MARCHF11: variants seen among roughly 807,000 people sequenced by gnomAD.
MARCHF11 encodes the protein E3 ubiquitin-protein ligase MARCHF11.
MARCHF11 carries 29 observed loss-of-function variants against 37.3 expected under a neutral mutation model. The ratio of observed to expected loss-of-function variants is 0.78; its 90% CI spans 0.58 to 1.06. The LOEUF is 1.06. Among genes scored for constraint, MARCHF11 ranks in the 50% least tolerant of loss-of-function variants. The pLI is 0.00. For synonymous variants in MARCHF11, 233 were observed against 228.0 expected (o/e 1.02, Z -0.20); for missense variants, 482 against 533.4 (o/e 0.90, Z 0.95).
In MARCHF11 at chr5:16,104,392, G is replaced by A. The variant is rs367645406; in HGVS notation, c.694-13311C>T. 3.3e-5 allele frequency among the ~76,000 whole-genome samples: 5 copies of A among 152,190 alleles called. 1 individual carries two copies. Among genetic ancestry groups the A allele is most frequent in the East Asian group, 1.9e-4 (1 of 5,168 alleles). Reference sequence around the variant, plus strand: ...ATAAAATATTCTATAACTGTGTGGTGATAAAAGTTGAACAAGTCTATAAAT... The same window carrying A: ...ATAAAATATTCTATAACTGTGTGGTAATAAAAGTTGAACAAGTCTATAAAT... On this transcript the variant is annotated intron_variant, in intron 2 of 3. Coordinates refer to ENST00000332432, the MANE Select transcript of MARCHF11 (RefSeq NM_001102562.3).
At chr5:16,178,987 C>T in intron 1 of MARCHF11, 52 bp downstream of exon 1, 5 of 1,366,380 alleles carry the variant, frequency 3.7e-6, no homozygotes, top group South Asian at 1.7e-5. Flanking sequence ...AAAGCTTGAC[C>T]GGCGCGAGCT....
At chr5:16,137,167 C>T (rs968661538) in intron 2 of MARCHF11, among the ~76,000 whole-genome samples, 6 of 152,080 alleles carry the variant, frequency 3.9e-5, no homozygotes, top group Non-Finnish European at 5.9e-5. Context: ...GGTGAAAAAT[C>T]GGTATACTGA....
At chr5:16,082,933 C>T (rs536978051) in intron 3 of MARCHF11, among the ~76,000 whole-genome samples, 1 of 151,936 alleles carries the variant, frequency 6.6e-6, no homozygotes, top group African/African-American at 2.4e-5. Context: ...TTCTGCACCC[C>T]CACTCCATGG....
chr5:16,144,315 C>T (rs1737766611), intron 2 of MARCHF11, among the ~76,000 whole-genome samples: 1 of 152,114 alleles, frequency 6.6e-6, no homozygotes, highest in Admixed American at 6.5e-5. Context: ...ACTGTTAGTG[C>T]CCTTGAAAAT....
Position 16,067,581 on chromosome 5 carries a change from A to G in MARCHF11, c.1099T>C (p.Phe367Leu). 1 of 1,613,956 alleles carries G rather than the reference A, an allele frequency of 6.2e-7. No homozygotes were observed. Among genetic ancestry groups the G allele is most frequent in the Non-Finnish European group, 8.5e-7 (1 of 1,179,844 alleles). Residue 367 changes from phenylalanine (F) to leucine (L), a missense_variant, in exon 4 of 4, where the codon TTT becomes CTT. Phe to Leu is a conservative substitution (Grantham distance 22). Coordinates refer to ENST00000332432, the MANE Select transcript of MARCHF11 (RefSeq NM_001102562.3). Reference sequence around the variant, plus strand: ...TGCAATAACACATAGCCACACTGAAACCTTGGTGAGGTTAACTGAGTTGGG... The same window carrying G: ...TGCAATAACACATAGCCACACTGAAGCCTTGGTGAGGTTAACTGAGTTGGG... ...VHPTQLTSPRFQCGYVLLHLF... is the reference protein window; with the variant it reads ...VHPTQLTSPRLQCGYVLLHLF...
chr5:16,111,815 T>C (rs1003012144), intron 2 of MARCHF11, among the ~76,000 whole-genome samples: 1 of 152,164 alleles, frequency 6.6e-6, no homozygotes, highest in Non-Finnish European at 1.5e-5. Flanking sequence ...AATGGTTTCC[T>C]GGGCCAGGCC....
At chr5:16,167,967 G>A (rs1262889486) in intron 2 of MARCHF11, among the ~76,000 whole-genome samples, 2 of 152,002 alleles carry the variant, frequency 1.3e-5, no homozygotes, top group Non-Finnish European at 2.9e-5. Flanking sequence ...ATACTTTGAG[G>A]CTACCTGTAG....
At chr5:16,103,171 T>A (rs1736988027) in intron 2 of MARCHF11, among the ~76,000 whole-genome samples, 1 of 151,052 alleles carries the variant, frequency 6.6e-6, no homozygotes, top group African/African-American at 2.4e-5. Flanking sequence ...TGGTATGCAC[T>A]CATAGAGAAA....
chr5:16,102,857 A>C (rs1010645020), intron 2 of MARCHF11, among the ~76,000 whole-genome samples: 3 of 152,096 alleles, frequency 2.0e-5, no homozygotes, highest in Non-Finnish European at 4.4e-5. Flanking sequence ...TCCTGGAGCC[A>C]CTCACCTGCA....
intron 2 of MARCHF11, among the ~76,000 whole-genome samples, chr5:16,093,354 G>A (rs764533651): frequency 2.0e-5 from 3 of 152,112 alleles, no homozygotes; most frequent in Non-Finnish European, 4.4e-5. Flanking sequence ...ATTATATTTG[G>A]CTTCAATTAG....
In MARCHF11 at chr5:16,179,154, G is replaced by A. The variant is rs773168614; in HGVS notation, c.422C>T (p.Thr141Met). 22 of 1,451,080 alleles carry A rather than the reference G, an allele frequency of 1.5e-5. No individual in the cohort carries two copies. In the South Asian group the frequency reaches 2.6e-4, roughly 17 times the overall value. 89.9% of individuals were successfully genotyped at this position (1,451,080 alleles called of 1,614,324 possible). The change falls in exon 1 of 4, where the codon ACG (threonine) becomes ATG (methionine). Residue 141 changes from threonine to methionine, a missense_variant. Coordinates refer to ENST00000332432, the MANE Select transcript of MARCHF11 (RefSeq NM_001102562.3). ...ERRGAGDQPE[T>M]RSVCSSRSSS... ...GCTGCGGCTGCTGCACACCGAGCGC[G>A]TCTCGGGCTGGTCTCCGGCGCCCCG...
At position 16,075,066 on chromosome 5, in the gene MARCHF11, A is replaced by G. The variant is rs79216458; in HGVS notation, c.887-7273T>C. ...TCAGATGGAGTCTCATCTTTTACTA[A>G]TTGGCAGTGAATGAAGCACACCCTT... On this transcript the variant is annotated intron_variant, in intron 3 of 3. Coordinates refer to ENST00000332432, the MANE Select transcript of MARCHF11 (RefSeq NM_001102562.3). 8.7e-3 allele frequency among the ~76,000 whole-genome samples: 1,325 copies of G among 152,300 alleles called. 14 individuals carry two copies. The highest frequency in any genetic ancestry group is 0.03 in the African/African-American group (1,252 of 41,564).
At chr5:16,094,520 T>TG (rs1333067111) in intron 2 of MARCHF11, among the ~76,000 whole-genome samples, 1 of 151,720 alleles carries the variant, frequency 6.6e-6, no homozygotes, top group East Asian at 1.9e-4. Flanking sequence ...TGTGTGTACG[T>TG]GTGTGTGTGT....
intron 2 of MARCHF11, among the ~76,000 whole-genome samples, chr5:16,176,402 CA>C (rs765524844): frequency 6.6e-6 from 1 of 152,100 alleles, no homozygotes; most frequent in Non-Finnish European, 1.5e-5. Context: ...ATCTGTTTTT[CA>C]AGACAACTAT....
intron 2 of MARCHF11, among the ~76,000 whole-genome samples, chr5:16,105,779 T>A (rs1452036189): frequency 6.6e-6 from 1 of 150,862 alleles, no homozygotes; most frequent in Non-Finnish European, 1.5e-5. Flanking sequence ...TGGCTTCCTG[T>A]TTTTTTTTGT....
At chr5:16,176,290 G>A (rs1009318176) in intron 2 of MARCHF11, among the ~76,000 whole-genome samples, 7 of 152,102 alleles carry the variant, frequency 4.6e-5, no homozygotes, top group Non-Finnish European at 8.8e-5. Flanking sequence ...TTTCTCTAGA[G>A]CCCAAAACTC....
intron 2 of MARCHF11, among the ~76,000 whole-genome samples, chr5:16,149,266 G>C (rs1244330296): frequency 6.6e-6 from 1 of 152,112 alleles, no homozygotes; most frequent in Non-Finnish European, 1.5e-5. Flanking sequence ...TTGTTTTAAA[G>C]ATCTACGGCC....
intron 2 of MARCHF11, among the ~76,000 whole-genome samples, chr5:16,137,362 C>T (rs997662524): frequency 6.6e-5 from 10 of 152,228 alleles, no homozygotes; most frequent in African/African-American, 2.4e-4. Flanking sequence ...AGTTCCACTG[C>T]ACATGCTCTC....
intron 2 of MARCHF11, among the ~76,000 whole-genome samples, chr5:16,138,519 T>C (rs954743963): frequency 6.6e-6 from 1 of 152,200 alleles, no homozygotes; most frequent in African/African-American, 2.4e-5. Context: ...AAGGGAAATA[T>C]GGGGTCAGAG....
Sources: allele counts gnomAD v4.1 joint callset (sites outside exome capture counted in the v4.1 genomes callset), GRCh38; gene constraint gnomAD v4.1.1; transcripts MANE v1.5; gene names NCBI Gene and HGNC (gene_info 2026-07-23, HGNC 2026-07-21).